TRPM4: variants seen among roughly 807,000 people sequenced by gnomAD.
The protein encoded by TRPM4 is transient receptor potential cation channel subfamily M member 4.
TRPM4 carries 124 observed loss-of-function variants against 135.6 expected under a neutral mutation model. The observed-to-expected ratio is 0.91, with a 90% CI of 0.79 to 1.06. The LOEUF (loss-of-function observed/expected upper bound fraction) is 1.06. TRPM4 is among the 50% of genes least tolerant of loss of function. The pLI is 0.00. For missense variants in TRPM4, 1,658 were observed against 1,671.4 expected, an observed-to-expected ratio of 0.99 and a Z score of 0.14; for synonymous variants, 745 against 705.6, an observed-to-expected ratio of 1.06 and a Z score of -0.88.
chr19:49,206,102 A>G (rs1213065048), intron 20 of TRPM4, among the ~76,000 whole-genome samples: 1 of 152,062 alleles, frequency 6.6e-6, no homozygotes, highest in African/African-American at 2.4e-5. Context: ...CTGGGATTAC[A>G]GGCACCTGCC....
At chr19:49,174,762 C>A (rs1406569245) in intron 9 of TRPM4, among the ~76,000 whole-genome samples, 3 of 146,354 alleles carry the variant, frequency 2.0e-5, no homozygotes, top group South Asian at 2.2e-4. Context: ...AAAAAAAAAA[C>A]CTAAATAAAT....
Position 49,210,599 on chromosome 19 carries a change from T to G in TRPM4, c.3329-111T>G. 2 of 1,556,000 alleles carry G rather than the reference T, an allele frequency of 1.3e-6. No homozygotes were observed. Among genetic ancestry groups the G allele is most frequent in the Non-Finnish European group, 1.8e-6 (2 of 1,134,342 alleles). On this transcript the variant is annotated intron_variant, in intron 21 of 24. Transcript: ENST00000252826. This position sits in a 1 kb window ranked among gnomAD's most constrained non-coding sequence, Gnocchi z 4.1. ...GTGAGGGGCGGGGCATGTTCTCGAA[T>G]CACCAGGGGCTGGGTCTGGGATAGC...
intron 15 of TRPM4, 95 bp from the exon 16 acceptor site, chr19:49,190,601 C>A: frequency 7.7e-7 from 1 of 1,295,730 alleles, no homozygotes; most frequent in East Asian, 2.3e-5. Context: ...GTCCCTCTGC[C>A]ATGTCTCCGG....
intron 20 of TRPM4, among the ~76,000 whole-genome samples, chr19:49,209,656 C>T (rs1346447045): frequency 6.6e-6 from 1 of 151,570 alleles, no homozygotes; most frequent in Non-Finnish European, 1.5e-5. Context: ...TGGAGCCCAA[C>T]TTTAACCTGA....
At chr19:49,183,800 G>A (rs904128176) in intron 12 of TRPM4, among the ~76,000 whole-genome samples, 2 of 145,426 alleles carry the variant, frequency 1.4e-5, no homozygotes, top group Non-Finnish European at 3.0e-5. Context: ...TTGAGATGGA[G>A]TCCTGCTCTG....
chr19:49,166,261 A>T, intron 3 of TRPM4, 46 bp downstream of exon 3: 1 of 1,541,328 alleles, frequency 6.5e-7, no homozygotes, highest in South Asian at 1.2e-5. Context: ...AGGGGGCTGC[A>T]TGCTCGGGGC....
rs1158953176 is a variant in TRPM4, at chr19:49,168,275, C to T, written c.464C>T (p.Thr155Ile). The change falls in exon 5 of 25, where the codon ACT becomes ATT. Residue 155 changes from threonine (T) to isoleucine (I), a missense_variant. Transcript: ENST00000252826. ...GTCTGTGTAGGAGCCTGGATTGTCA[C>T]TGGGGGTCTGCACACGGGCATCGGC... ...AAQSTGAWIV[T>I]GGLHTGIGRH... is the part of the protein sequence containing the mutation. 1.2e-6 allele frequency: 2 copies of T among 1,614,054 alleles called. No individual in the cohort carries two copies. Among genetic ancestry groups the T allele is most frequent in the Non-Finnish European group, 1.7e-6 (2 of 1,180,048 alleles).
At chr19:49,199,132 T>G (rs1001790254) in intron 17 of TRPM4, among the ~76,000 whole-genome samples, 1 of 152,182 alleles carries the variant, frequency 6.6e-6, no homozygotes, top group Non-Finnish European at 1.5e-5. Context: ...ATTTGCCAAT[T>G]TAATGGGTAA....
chr19:49,193,519 C>A (rs997721084), intron 16 of TRPM4, among the ~76,000 whole-genome samples: 2 of 152,146 alleles, frequency 1.3e-5, no homozygotes, highest in Admixed American at 6.5e-5. Context: ...GAGATTTGAT[C>A]CCAGATCCTC....
Position 49,211,176 on chromosome 19 carries a change from A to G in TRPM4, c.3547A>G (p.Ser1183Gly), listed in dbSNP as rs377476693. 2 of 1,605,620 alleles carry G rather than the reference A, an allele frequency of 1.2e-6. No homozygotes were observed. The highest frequency in any genetic ancestry group is 2.2e-5 in the East Asian group (1 of 44,486). The change falls in exon 24 of 25, where the codon AGC becomes GGC. Residue 1183 changes from serine to glycine, a missense_variant. Ser to Gly is a moderately conservative substitution (Grantham distance 56). Coordinates refer to ENST00000252826, the MANE Select transcript of TRPM4 (RefSeq NM_017636.4). The surrounding 1 kb of genome is among the most constrained non-coding windows in gnomAD (Gnocchi z 4.8). Reference sequence around the variant, plus strand: ...TCCCATTCCGCAGGTCCAGCAGTGTAGCCGCGTCCTGGGGTGGGTGGCCGA... The same window carrying G: ...TCCCATTCCGCAGGTCCAGCAGTGTGGCCGCGTCCTGGGGTGGGTGGCCGA... ...KVLEREVQQC[S>G]RVLGWVAEAL... is the part of the protein sequence containing the mutation.
chr19:49,205,870 A>G (rs989504032), intron 20 of TRPM4, among the ~76,000 whole-genome samples: 3 of 151,880 alleles, frequency 2.0e-5, no homozygotes, highest in Non-Finnish European at 4.4e-5. Context: ...ATACAATTCA[A>G]TGCATGACAC....
chr19:49,188,899 C>T, intron 13 of TRPM4, 47 bp from the exon 14 acceptor site: 3 of 1,613,758 alleles, frequency 1.9e-6, no homozygotes, highest in Admixed American at 1.7e-5. Flanking sequence ...CACACCCTCA[C>T]CCTACTCCTT....
Position 49,211,419 on chromosome 19 carries a change from T to C in TRPM4, c.3641-75T>C. On this transcript the variant is annotated intron_variant, in intron 24 of 24. Coordinates refer to ENST00000252826, the MANE Select transcript of TRPM4 (RefSeq NM_017636.4). The surrounding 1 kb of genome is among the most constrained non-coding windows in gnomAD (Gnocchi z 4.8). ...CTCTCGCCTTCGTCTTTCTTCTTTT[T>C]TGCCAGTCTCCCAGTTTTTCTGTCT... is the stretch of plus-strand genomic sequence containing the variant. 6.2e-7 allele frequency: 1 copy of C among 1,609,670 alleles called. No individual in the cohort carries two copies. The highest frequency in any genetic ancestry group is 1.1e-5 in the South Asian group (1 of 91,044).
intron 2 of TRPM4, among the ~76,000 whole-genome samples, chr19:49,165,040 A>C (rs1196204965): frequency 6.6e-6 from 1 of 151,918 alleles, no homozygotes; most frequent in East Asian, 1.9e-4. Context: ...ATCATACCCG[A>C]CCCTACATTT....
intron 2 of TRPM4, among the ~76,000 whole-genome samples, chr19:49,163,899 G>A (rs753030648): frequency 1.3e-5 from 2 of 152,158 alleles, no homozygotes; most frequent in African/African-American, 2.4e-5. Flanking sequence ...GGACAAAGTC[G>A]GTAAACTGAG....
In TRPM4 at chr19:49,200,202, G is replaced by A. The variant is rs574943385; in HGVS notation, c.2646-98G>A. 1.4e-3 allele frequency: 2,291 copies of A among 1,589,754 alleles called. 65 individuals are homozygous for A. The South Asian group carries it at 0.024, about 17-fold the overall frequency. On this transcript the variant is annotated intron_variant, in intron 17 of 24. Transcript: ENST00000252826. ...GGGAGGGTCCTGGTCCTGCCCGGTG[G>A]AGGCTGCAGCTTCCTCTGAAGGATG...
At chr19:49,167,242 C>T (rs370196118) in intron 3 of TRPM4, among the ~76,000 whole-genome samples, 6 of 123,768 alleles carry the variant, frequency 4.8e-5, no homozygotes, top group Non-Finnish European at 8.9e-5. Flanking sequence ...GGTCTCTGTC[C>T]CTCTCTCTCT....
Position 49,171,472 on chromosome 19 carries a change from A to C in TRPM4, c.858+54A>C. ...GGGGGAAGGAGGGTTGGGGGCCAGG[A>C]CTCCTGGGTCCTGAGTCTTAGGGAG... On this transcript the variant is annotated intron_variant, in intron 7 of 24. Transcript: ENST00000252826. This position sits in a 1 kb window ranked among gnomAD's most constrained non-coding sequence, Gnocchi z 4.7. The C allele has an allele frequency of 6.2e-7, 1 of 1,611,120 alleles. No individual in the cohort carries two copies. The highest frequency in any genetic ancestry group is 8.5e-7 in the Non-Finnish European group (1 of 1,178,158).
intron 12 of TRPM4, among the ~76,000 whole-genome samples, chr19:49,188,274 C>T (rs983823881): frequency 1.3e-5 from 2 of 152,126 alleles, no homozygotes; most frequent in Non-Finnish European, 2.9e-5. Flanking sequence ...CTTTCATTGT[C>T]ATAATTTTCT....
Sources: gnomAD v4.1 joint callset for allele counts (sites outside exome capture counted in the v4.1 genomes callset) on GRCh38, gnomAD v4.1.1 for gene constraint, Gnocchi (gnomAD v3.1) non-coding constraint, MANE v1.5 for transcripts, NCBI Gene and HGNC (gene_info 2026-07-23, HGNC 2026-07-21) for gene names.